Variants in HIF3A observed in about 807,000 individuals in gnomAD.
The protein encoded by HIF3A is hypoxia inducible factor 3 subunit alpha.
In HIF3A, 41 loss-of-function variants were observed where a neutral mutation model predicts 67.2. That is an observed-to-expected ratio of 0.61 (90% CI 0.48 to 0.79). The LOEUF is 0.79. HIF3A is among the 30% of genes least tolerant of loss of function. The pLI, the probability that HIF3A is intolerant of heterozygous loss-of-function variation, is 0.00. For synonymous variants in HIF3A, 356 were observed against 374.8 expected (o/e 0.95, Z 0.58); for missense variants, 855 against 898.0 (o/e 0.95, Z 0.61).
intron 6 of HIF3A, 64 bp from the exon 7 acceptor site, chr19:46,312,097 C>T (rs1303613015): frequency 8.3e-7 from 1 of 1,202,126 alleles, no homozygotes; most frequent in Non-Finnish European, 1.2e-6. Context: ...TGCTACTTCC[C>T]TCTGCCTACC....
intron 14 of HIF3A, among the ~76,000 whole-genome samples, chr19:46,339,054 C>T (rs925079863): frequency 1.1e-4 from 16 of 151,948 alleles, no homozygotes; most frequent in African/African-American, 3.6e-4. Flanking sequence ...TCCTTTTTGC[C>T]TTTGTTAAAT....
intron 11 of HIF3A, among the ~76,000 whole-genome samples, chr19:46,327,161 AAT>A (rs1555786187): frequency 4.6e-5 from 7 of 150,724 alleles, no homozygotes; most frequent in African/African-American, 1.2e-4. Flanking sequence ...TCCCAAAAAA[AAT>A]ATATATATAT....
chr19:46,320,343 G>A (rs1215535676), intron 8 of HIF3A, 100 bp from the exon 9 acceptor site: 8 of 831,364 alleles, frequency 9.6e-6, no homozygotes, highest in Admixed American at 6.3e-5. Context: ...GCCCCTGGGC[G>A]CCATTGCCTT....
At chr19:46,333,366 C>T (rs1568546448) in intron 13 of HIF3A, among the ~76,000 whole-genome samples, 1 of 152,140 alleles carries the variant, frequency 6.6e-6, no homozygotes, top group Non-Finnish European at 1.5e-5. Flanking sequence ...AAGTGGGCAT[C>T]AGCCCTGGCC....
Position 46,340,456 on chromosome 19 carries a change from C to G in HIF3A, c.*834C>G, listed in dbSNP as rs1283665075. The G allele has an allele frequency of 1.3e-5, 2 of 155,000 alleles. No individual in the cohort carries two copies. The highest frequency in any genetic ancestry group is 6.5e-5 in the Admixed American group (1 of 15,298). 9.6% of individuals were successfully genotyped at this position (155,000 alleles called of 1,614,324 possible). ...GTGGTCTGCTTTAGATCACCTTCTT[C>G]TTCTTCCTTCTTCCTCTTCCTCTTC... On this transcript the variant is annotated 3_prime_UTR_variant, in exon 15 of 15. Coordinates refer to ENST00000377670, the MANE Select transcript of HIF3A (RefSeq NM_152795.4).
intron 1 of HIF3A, chr19:46,298,219 C>CTCCCCTG: frequency 4.2e-5 from 14 of 329,774 alleles, no homozygotes; most frequent in South Asian, 6.6e-5. Flanking sequence ...CCCCCATCCT[C>CTCCCCTG]TCCCCTGTCC....
rs114995648 is a variant in HIF3A, at chr19:46,297,386, C to G, written c.26+284C>G. 2.0e-3 allele frequency among the ~76,000 whole-genome samples: 309 copies of G among 152,230 alleles called. 2 individuals carry two copies. Among genetic ancestry groups the G allele is most frequent in the African/African-American group, 7.1e-3 (296 of 41,552 alleles). On this transcript the variant is annotated intron_variant, in intron 1 of 14. Coordinates refer to ENST00000377670, the MANE Select transcript of HIF3A (RefSeq NM_152795.4). The surrounding 1 kb of genome is among the most constrained non-coding windows in gnomAD (Gnocchi z 4.5). Reference sequence around the variant, plus strand: ...TTTACCCTCCTGGTTGGGGGTGGAACTTGGGATTCCTGATAAATTAGGGGT... The same window carrying G: ...TTTACCCTCCTGGTTGGGGGTGGAAGTTGGGATTCCTGATAAATTAGGGGT...
chr19:46,334,143 G>A (rs1255716782), intron 13 of HIF3A, among the ~76,000 whole-genome samples: 2 of 151,442 alleles, frequency 1.3e-5, no homozygotes, highest in African/African-American at 4.9e-5. Flanking sequence ...CCAGGCTAGA[G>A]TGCAGTGGCA....
Position 46,329,467 on chromosome 19 carries a change from G to T in HIF3A, c.1701G>T (p.Gly567=). The change falls in exon 12 of 15, where the codon GGG becomes GGT. Residue 567 remains glycine (G), a synonymous_variant. Coordinates refer to ENST00000377670, the MANE Select transcript of HIF3A (RefSeq NM_152795.4). ...GDPSASSPMA[G]ARKRTLAQSS... ...CCTCAGCATCCTCTCCCATGGCTGG[G>T]GCTCGGAAGAGGTGAGCCACAGTAA... The T allele has an allele frequency of 6.6e-7, 1 of 1,520,872 alleles. No individual in the cohort carries two copies. Among genetic ancestry groups the T allele is most frequent in the Non-Finnish European group, 8.8e-7 (1 of 1,133,278 alleles). 94.2% of individuals were successfully genotyped at this position (1,520,872 alleles called of 1,614,324 possible).
rs1459711334 is a variant in HIF3A at position 46,297,093 on chromosome 19, A to G, written c.17A>G (p.Gln6Arg). 1.7e-6 allele frequency: 2 copies of G among 1,164,872 alleles called. No homozygotes were observed. The highest frequency in any genetic ancestry group is 2.4e-4 in the Middle Eastern group (1 of 4,164). The allele number at this position is 1,164,872 out of a possible 1,614,324, so 72.2% of individuals were successfully genotyped here. MALGL[Q>R]RARSTTELRK... Reference sequence around the variant, plus strand: ...TGGCGAGCCATGGCGCTGGGGCTGCAGCGCGCAAGGTACTGAAGTTCGGGG... The same window carrying G: ...TGGCGAGCCATGGCGCTGGGGCTGCGGCGCGCAAGGTACTGAAGTTCGGGG... Residue 6 changes from glutamine to arginine, a missense_variant, in exon 1 of 15, where the codon CAG (glutamine) becomes CGG (arginine). Around this residue, in one of 3 missense-constraint regions of HIF3A, gnomAD observed 638 missense variants for 660.5 expected, o/e 0.97. Coordinates refer to ENST00000377670, the MANE Select transcript of HIF3A (RefSeq NM_152795.4). This position sits in a 1 kb window ranked among gnomAD's most constrained non-coding sequence, Gnocchi z 4.5.
At chr19:46,329,078 C>A in intron 11 of HIF3A, 129 bp from the exon 12 acceptor site, 1 of 855,728 alleles carries the variant, frequency 1.2e-6, no homozygotes, top group Non-Finnish European at 1.8e-6. Context: ...ACCCATTTTA[C>A]AGATGAGGAA....
chr19:46,320,350 C>A, intron 8 of HIF3A, 93 bp from the exon 9 acceptor site: 1 of 922,150 alleles, frequency 1.1e-6, no homozygotes, highest in Non-Finnish European at 1.7e-6. Flanking sequence ...GGCGCCATTG[C>A]CTTCTGTAAT....
rs533433356 is a variant in HIF3A at position 46,305,500 on chromosome 19, G to A, written c.363+110G>A. 246 of 1,057,888 alleles carry A rather than the reference G, an allele frequency of 2.3e-4. No homozygotes were observed. The South Asian group carries it at 2.9e-3, about 12-fold the overall frequency. 65.5% of individuals were successfully genotyped at this position (1,057,888 alleles called of 1,614,324 possible). ...CTTTATGGGACTCACAATACAAAGG[G>A]GATATAGGTATGTCACTAGACAGGA... On this transcript the variant is annotated intron_variant, in intron 3 of 14. Coordinates refer to ENST00000377670, the MANE Select transcript of HIF3A (RefSeq NM_152795.4).
At chr19:46,307,650 A>T (rs1454763543) in intron 3 of HIF3A, among the ~76,000 whole-genome samples, 1 of 151,964 alleles carries the variant, frequency 6.6e-6, no homozygotes, top group Non-Finnish European at 1.5e-5. Flanking sequence ...CGGGAGGCTG[A>T]GGTGGGAGAA....
chr19:46,299,446 G>A (rs955583311), intron 1 of HIF3A, among the ~76,000 whole-genome samples: 4 of 152,206 alleles, frequency 2.6e-5, no homozygotes, highest in Non-Finnish European at 5.9e-5. Flanking sequence ...CAGGCCGGGT[G>A]CGGTGGCTCA....
In HIF3A at chr19:46,334,996, A is replaced by C. The variant is rs998736286; in HGVS notation, c.1912+10A>C. 2 of 1,599,860 alleles carry C rather than the reference A, an allele frequency of 1.3e-6. No individual in the cohort carries two copies. Among genetic ancestry groups the C allele is most frequent in the African/African-American group, 2.7e-5 (2 of 74,682 alleles). The stretch of plus-strand genomic sequence containing the variant: ...CTGAATGAGCCCCTGGGTGAGTAGC[A>C]ACCTGGGTATCCAGAGCCCCAGAGC... On this transcript the variant is annotated intron_variant, in intron 14 of 14. Coordinates refer to ENST00000377670, the MANE Select transcript of HIF3A (RefSeq NM_152795.4).
intron 14 of HIF3A, among the ~76,000 whole-genome samples, chr19:46,336,896 A>C (rs965206996): frequency 3.3e-5 from 5 of 152,172 alleles, no homozygotes; most frequent in Non-Finnish European, 5.9e-5. Flanking sequence ...CTGAGACAGG[A>C]GAATCACTTG....
Position 46,325,579 on chromosome 19 carries a change from C to T in HIF3A, c.1380C>T (p.His460=), listed in dbSNP as rs1366760385. The change falls in exon 11 of 15, where the codon CAC becomes CAT. Residue 460 remains histidine, a synonymous_variant. Transcript: ENST00000377670. The stretch of plus-strand genomic sequence containing the variant: ...TACCTGTGGGCACCGAGAATGTGCA[C>T]AGACTCTTCACCTCCGGGAAAGACA... ...DELPVGTENV[H]RLFTSGKDTE... 5 of 1,613,566 alleles carry T rather than the reference C, an allele frequency of 3.1e-6. No homozygotes were observed. In the Admixed American group the frequency reaches 6.7e-5, roughly 22 times the overall value.
chr19:46,323,791 G>GA (rs1253133602), intron 10 of HIF3A, among the ~76,000 whole-genome samples: 1 of 152,126 alleles, frequency 6.6e-6, no homozygotes, highest in Non-Finnish European at 1.5e-5. Context: ...AAGAGAGAAC[G>GA]AAAACCAAGC....
Sources: gnomAD v4.1 joint callset for allele counts (sites outside exome capture counted in the v4.1 genomes callset) on GRCh38, gnomAD v4.1.1 for gene constraint, gnomAD v4.1.1 regional missense constraint, Gnocchi (gnomAD v3.1) non-coding constraint, MANE v1.5 for transcripts, NCBI Gene and HGNC (gene_info 2026-07-23, HGNC 2026-07-21) for gene names.